Variants in ADGRD1 observed in about 807,000 individuals in gnomAD.
ADGRD1 encodes the protein adhesion G protein-coupled receptor D1.
ADGRD1 carries 77 observed loss-of-function variants against 113.4 expected under a neutral mutation model. The ratio of observed to expected loss-of-function variants is 0.68; its 90% confidence interval spans 0.57 to 0.82. ADGRD1 has a LOEUF of 0.82. Ranked by LOEUF, ADGRD1 falls within the 40% of genes least tolerant of loss-of-function variation. The pLI, the probability that ADGRD1 is intolerant of heterozygous loss-of-function variation, is 0.00. For missense variants in ADGRD1, 1,036 were observed against 1,139.1 expected (o/e 0.91, Z 1.30); for synonymous variants, 474 against 475.0 (o/e 1.00, Z 0.03).
chr12:131,000,247 A>G (rs1876186284), intron 8 of ADGRD1, 136 bp from the exon 9 acceptor site: 2 of 687,360 alleles, frequency 2.9e-6, no homozygotes, highest in Non-Finnish European at 5.4e-6. Flanking sequence ...TGACTCAGCT[A>G]TTTTTGTTGA....
chr12:130,963,464 A>G (rs1405007680), intron 2 of ADGRD1, among the ~76,000 whole-genome samples: 2 of 152,092 alleles, frequency 1.3e-5, no homozygotes, highest in African/African-American at 4.8e-5. Flanking sequence ...TTTCTGCAGT[A>G]TCTCTCCAGA....
At chr12:130,993,768 A>G (rs1259896481) in intron 8 of ADGRD1, 3 of 152,566 alleles carry the variant, frequency 2.0e-5, no homozygotes, top group African/African-American at 7.2e-5. Flanking sequence ...TTCAGGCAAC[A>G]AGAGGCCCAG....
intron 15 of ADGRD1, among the ~76,000 whole-genome samples, chr12:131,089,671 G>A (rs1245898794): frequency 1.3e-5 from 2 of 152,030 alleles, no homozygotes; most frequent in East Asian, 3.9e-4. Flanking sequence ...CCTGCCTATG[G>A]GGGCTCCCTG....
intron 21 of ADGRD1, among the ~76,000 whole-genome samples, chr12:131,133,679 G>C (rs1306984275): frequency 1.3e-5 from 2 of 152,204 alleles, no homozygotes; most frequent in Non-Finnish European, 2.9e-5. Context: ...AATGCCTTCA[G>C]CTCCTCTCCT....
intron 13 of ADGRD1, among the ~76,000 whole-genome samples, chr12:131,040,751 C>T (rs1201085446): frequency 6.6e-6 from 1 of 152,256 alleles, no homozygotes; most frequent in Admixed American, 6.5e-5. Flanking sequence ...TGCTGGCTGC[C>T]AGATCGCATG....
intron 2 of ADGRD1, chr12:130,956,488 C>T (rs1207504259): frequency 1.3e-5 from 2 of 152,380 alleles, no homozygotes; most frequent in Admixed American, 6.5e-5. Context: ...ACATGCCCAG[C>T]GCTGCGTTAA....
rs369853823 is a variant in ADGRD1 at position 131,136,154 on chromosome 12, C to A, written c.2385C>A (p.Asn795Lys). The A allele has an allele frequency of 3.1e-6, 5 of 1,613,990 alleles. No homozygotes were observed. Among genetic ancestry groups the A allele is most frequent in the Non-Finnish European group, 4.2e-6 (5 of 1,179,998 alleles). Residue 795 changes from asparagine to lysine, a missense_variant, in exon 22 of 25, where the codon AAC (asparagine) becomes AAA (lysine). Coordinates refer to ENST00000261654, the MANE Select transcript of ADGRD1 (RefSeq NM_198827.5). ...VVFQYMFATL[N>K]SLQGLFIFLF... is the part of the protein sequence containing the mutation. Reference sequence around the variant, plus strand: ...TCCAGTACATGTTTGCCACGCTCAACTCCCTGCAGGTGAGAGCCGCGGGGA... The same window carrying A: ...TCCAGTACATGTTTGCCACGCTCAAATCCCTGCAGGTGAGAGCCGCGGGGA...
rs555765519 is a variant in ADGRD1, at chr12:131,079,945, C to A, written c.1547+3071C>A. ...AACTTTTGGCTTCATTGATTTTTCT[C>A]TCTTGTGTTTCTGTTGTCAATTTCA... On this transcript the variant is annotated intron_variant, in intron 14 of 24. Coordinates refer to ENST00000261654, the MANE Select transcript of ADGRD1 (RefSeq NM_198827.5). Among the ~76,000 whole-genome samples the A allele has an allele frequency of 6.0e-4, 91 of 152,118 alleles. No individual in the cohort carries two copies. In the South Asian group the frequency reaches 0.018, roughly 30 times the overall value.
chr12:131,029,326 C>T (rs147009045), intron 13 of ADGRD1, among the ~76,000 whole-genome samples: 360 of 152,362 alleles, frequency 2.4e-3, no homozygotes, highest in African/African-American at 8.2e-3. Context: ...GCCTCCCCCT[C>T]CTCTGCTCCT....
rs183943274 is a variant in ADGRD1 at position 131,050,101 on chromosome 12, C to T, written c.1474-26700C>T. Among the ~76,000 whole-genome samples the T allele has an allele frequency of 3.0e-4, 45 of 152,202 alleles. No individual in the cohort carries two copies. Among genetic ancestry groups the T allele is most frequent in the African/African-American group, 9.2e-4 (38 of 41,530 alleles). ...TTGGATACACGGGGGTCCAGGAATG[C>T]GTGCAGGAAGCTGGGAATTCAGTGT... On this transcript the variant is annotated intron_variant, in intron 13 of 24. Coordinates refer to ENST00000261654, the MANE Select transcript of ADGRD1 (RefSeq NM_198827.5). This position sits in a 1 kb window ranked among gnomAD's most constrained non-coding sequence, Gnocchi z 4.8.
chr12:131,123,825 CAA>C (rs111915156), intron 20 of ADGRD1, among the ~76,000 whole-genome samples: 16 of 90,484 alleles, frequency 1.8e-4, no homozygotes, highest in African/African-American at 1.8e-4. Flanking sequence ...GACTCCGTCT[CAA>C]AAAAAAAAAA....
intron 20 of ADGRD1, among the ~76,000 whole-genome samples, chr12:131,125,714 G>A (rs997714641): frequency 1.2e-4 from 19 of 152,154 alleles, no homozygotes; most frequent in Admixed American, 1.2e-3. Flanking sequence ...ATTAAGTCCT[G>A]ATAAACTCAT....
At chr12:131,051,896 T>C (rs1883433846) in intron 13 of ADGRD1, among the ~76,000 whole-genome samples, 1 of 152,210 alleles carries the variant, frequency 6.6e-6, no homozygotes, top group Non-Finnish European at 1.5e-5. Context: ...TTGAATTGAA[T>C]TGAATATGAA....
chr12:131,007,743 C>T (rs4759827), intron 12 of ADGRD1, among the ~76,000 whole-genome samples: 40,059 of 152,280 alleles, frequency 0.26, 5,606 homozygotes, highest in Admixed American at 0.39. Context: ...ATGAGCAGCA[C>T]ATTTACGTGC....
At chr12:131,131,115 G>A (rs1200842095) in intron 20 of ADGRD1, among the ~76,000 whole-genome samples, 1 of 152,210 alleles carries the variant, frequency 6.6e-6, no homozygotes, top group African/African-American at 2.4e-5. Context: ...CTGCCCAGGT[G>A]AGGGGCAGGT....
intron 13 of ADGRD1, among the ~76,000 whole-genome samples, chr12:131,054,668 C>A (rs546666248): frequency 6.6e-5 from 10 of 152,310 alleles, no homozygotes; most frequent in African/African-American, 2.4e-4. Flanking sequence ...CTCTGCTGCG[C>A]TGAGAACTCG....
intron 2 of ADGRD1, among the ~76,000 whole-genome samples, chr12:130,963,706 G>A (rs1181211508): frequency 6.6e-6 from 1 of 151,960 alleles, no homozygotes; most frequent in Non-Finnish European, 1.5e-5. Flanking sequence ...GAGCATTTAG[G>A]CTGTTCTCAG....
chr12:131,049,319 C>T (rs1027715599), intron 13 of ADGRD1, among the ~76,000 whole-genome samples: 1 of 152,182 alleles, frequency 6.6e-6, no homozygotes, highest in African/African-American at 2.4e-5. Flanking sequence ...CAGGCATGGC[C>T]CTGATACCCG....
Position 130,993,153 on chromosome 12 carries a change from C to T in ADGRD1, c.966+761C>T, listed in dbSNP as rs184499941. ...ATGTGGAGGAAATAATAACAGCGCC[C>T]ACTTCATCGGGGATAAGTGGGTTCC... On this transcript the variant is annotated intron_variant, in intron 8 of 24. Transcript: ENST00000261654. Among the ~76,000 whole-genome samples, 138 of 152,176 alleles carry T rather than the reference C, an allele frequency of 9.1e-4. 2 individuals are homozygous for T. Among genetic ancestry groups the T allele is most frequent in the African/African-American group, 3.1e-3 (130 of 41,518 alleles).
Sources: allele counts gnomAD v4.1 joint callset (sites outside exome capture counted in the v4.1 genomes callset), GRCh38; gene constraint gnomAD v4.1.1; non-coding constraint Gnocchi (gnomAD v3.1); transcripts MANE v1.5; gene names NCBI Gene and HGNC (gene_info 2026-07-23, HGNC 2026-07-21).